PLPPR2: variants seen among roughly 807,000 people sequenced by gnomAD.
PLPPR2 encodes the protein phospholipid phosphatase related 2, also known as phospholipid phosphatase-related protein type 2.
Under a neutral mutation model 40.3 loss-of-function variants are expected in PLPPR2, and 11 were observed. The ratio of observed to expected loss-of-function variants is 0.27; its 90% CI spans 0.17 to 0.45. The LOEUF is 0.45. PLPPR2 is among the 20% of genes least tolerant of loss of function. The pLI is 1.00. For missense variants in PLPPR2, 497 were observed against 640.7 expected, an observed-to-expected ratio of 0.78 and a Z score of 2.42; for synonymous variants, 260 against 290.8, an observed-to-expected ratio of 0.89 and a Z score of 1.08.
At position 11,359,325 on chromosome 19, in the gene PLPPR2, T is replaced by C. The variant is rs963728968; in HGVS notation, c.67-207T>C. ...CTGTTTCTGTCTCCTTCTCCTTCTG[T>C]TTCTCCTAAGCCCTGACCCTTCTCT... On this transcript the variant is annotated intron_variant, in intron 3 of 9. Coordinates refer to ENST00000688289, the MANE Select transcript of PLPPR2 (RefSeq NM_001393892.1). This position sits in a 1 kb window ranked among gnomAD's most constrained non-coding sequence, Gnocchi z 5.6. 2.4e-5 allele frequency: 11 copies of C among 452,502 alleles called. No individual in the cohort carries two copies. In the Middle Eastern group the frequency reaches 2.3e-3, roughly 93 times the overall value. 28.0% of individuals were successfully genotyped at this position (452,502 alleles called of 1,614,324 possible). A position where few individuals can be genotyped will look rare whatever the true frequency, so the allele number is the denominator to read the frequency against.
At chr19:11,358,605 C>T (rs1599401353) in intron 3 of PLPPR2, among the ~76,000 whole-genome samples, 1 of 151,964 alleles carries the variant, frequency 6.6e-6, no homozygotes, top group African/African-American at 2.4e-5. Flanking sequence ...CTTTTCCTTT[C>T]CCTTCTCTTT....
intron 1 of PLPPR2, among the ~76,000 whole-genome samples, chr19:11,356,487 T>C (rs1433273769): frequency 6.6e-6 from 1 of 152,006 alleles, no homozygotes; most frequent in Non-Finnish European, 1.5e-5. Flanking sequence ...GTTTGGTGTC[T>C]CTGACAGGCT....
chr19:11,364,051 G>C lies in PLPPR2; in HGVS notation c.964-110G>C, dbSNP rs570687072. 1.6e-4 allele frequency: 233 copies of C among 1,440,364 alleles called. 5 individuals carry two copies. In the South Asian group the frequency reaches 3.0e-3, roughly 19 times the overall value. 89.2% of individuals were successfully genotyped at this position (1,440,364 alleles called of 1,614,324 possible). On this transcript the variant is annotated intron_variant, in intron 8 of 9. Transcript: ENST00000688289. The surrounding 1 kb of genome is among the most constrained non-coding windows in gnomAD (Gnocchi z 5.8). ...CCCAGGGGGACACGGTTAATCATGAGAACTGTGGTTGTCTTTTCCATGGGG... is the reference window on the plus strand; with the variant it reads ...CCCAGGGGGACACGGTTAATCATGACAACTGTGGTTGTCTTTTCCATGGGG...
In PLPPR2 at chr19:11,362,683, CT is replaced by C. The variant is rs769292776; in HGVS notation, c.839del (p.Leu280TrpfsTer38). 6.2e-7 allele frequency: 1 copy of C among 1,611,734 alleles called. No individual in the cohort carries two copies. Among genetic ancestry groups the C allele is most frequent in the Admixed American group, 1.7e-5 (1 of 59,950 alleles). On this transcript the variant is annotated frameshift_variant, in exon 7 of 10. Transcript: ENST00000688289. LOFTEE classifies it high-confidence loss of function. This position sits in a 1 kb window ranked among gnomAD's most constrained non-coding sequence, Gnocchi z 5.3. Reference protein sequence around the residue: ...GFLTGAAIATFLVTCVVHNFQ... With the variant: ...GFLTGAAIATXLVTCVVHNFQ... ...TCCTGACAGGGGCGGCCATCGCCAC[CT>C]TTTTGGTGAGTTGCCTCCTCAACCT... is the stretch of plus-strand genomic sequence containing the variant.
In PLPPR2 at chr19:11,364,012, AC is replaced by A; in HGVS notation, c.964-144del. ...ACAGCCCCAAAGAATGAAAGGGAGC[AC>A]CCCCGTCTTCTTCCCAGGGGGACAC... On this transcript the variant is annotated intron_variant, in intron 8 of 9. Coordinates refer to ENST00000688289, the MANE Select transcript of PLPPR2 (RefSeq NM_001393892.1). The surrounding 1 kb of genome is among the most constrained non-coding windows in gnomAD (Gnocchi z 5.8). 2 of 1,331,078 alleles carry A rather than the reference AC, an allele frequency of 1.5e-6. No individual in the cohort carries two copies. The highest frequency in any genetic ancestry group is 2.1e-6 in the Non-Finnish European group (2 of 971,642). The allele number at this position is 1,331,078 out of a possible 1,614,324, so 82.5% of individuals were successfully genotyped here. A position where few individuals can be genotyped will look rare whatever the true frequency, so the allele number is the denominator to read the frequency against.
rs1968087516 is a variant in PLPPR2 at position 11,362,781 on chromosome 19, C to A, written c.840+92C>A. On this transcript the variant is annotated intron_variant, in intron 7 of 9. Transcript: ENST00000688289. This position sits in a 1 kb window ranked among gnomAD's most constrained non-coding sequence, Gnocchi z 5.3. ...ACCACATGATGGAGAAGGGTGTGGA[C>A]TCTGTGTGACCTTGGGCCAATCCCT... The A allele has an allele frequency of 1.4e-6, 2 of 1,392,534 alleles. No homozygotes were observed. Among genetic ancestry groups the A allele is most frequent in the Admixed American group, 2.1e-5 (1 of 46,976 alleles). The allele number at this position is 1,392,534 out of a possible 1,614,324, so 86.3% of individuals were successfully genotyped here. A position where few individuals can be genotyped will look rare whatever the true frequency, so the allele number is the denominator to read the frequency against.
rs202137488 is a variant in PLPPR2, at chr19:11,362,675, A to G, written c.826A>G (p.Ile276Val). ...GGCTGGCTTCCTGACAGGGGCGGCC[A>G]TCGCCACCTTTTTGGTGAGTTGCCT... Reference protein sequence around the residue: ...VLAGFLTGAAIATFLVTCVVH... With the variant: ...VLAGFLTGAAVATFLVTCVVH... Residue 276 changes from isoleucine to valine, a missense_variant, in exon 7 of 10, where the codon ATC becomes GTC. Physicochemically the swap from Ile to Val is conservative, Grantham distance 29 (BLOSUM62 3). Coordinates refer to ENST00000688289, the MANE Select transcript of PLPPR2 (RefSeq NM_001393892.1). The surrounding 1 kb of genome is among the most constrained non-coding windows in gnomAD (Gnocchi z 5.3). 5.5e-5 allele frequency: 89 copies of G among 1,612,568 alleles called. 1 individual carries two copies. In the East Asian group the frequency reaches 1.7e-3, roughly 30 times the overall value.
intron 3 of PLPPR2, among the ~76,000 whole-genome samples, chr19:11,358,029 C>CTG (rs751126799): frequency 8.7e-4 from 130 of 149,570 alleles, no homozygotes; most frequent in East Asian, 4.2e-3. Flanking sequence ...GGGCTGTTCT[C>CTG]TGTGTGTGTG....
rs997697475 is a variant in PLPPR2, at chr19:11,359,028, T to A, written c.67-504T>A. ...CGTTTTAATTTTTTTTCTTTCTTTT[T>A]GTCTTTCAGCCATTCCTTTTCCTTT... On this transcript the variant is annotated intron_variant, in intron 3 of 9. Coordinates refer to ENST00000688289, the MANE Select transcript of PLPPR2 (RefSeq NM_001393892.1). The surrounding 1 kb of genome is among the most constrained non-coding windows in gnomAD (Gnocchi z 5.6). 6.6e-6 allele frequency among the ~76,000 whole-genome samples: 1 copy of A among 152,040 alleles called. No homozygotes were observed. Among genetic ancestry groups the A allele is most frequent in the Non-Finnish European group, 1.5e-5 (1 of 67,966 alleles).
Position 11,362,801 on chromosome 19 carries a change from ATCCC to A in PLPPR2, c.840+114_840+117del. The A allele has an allele frequency of 8.9e-7, 1 of 1,127,244 alleles. No individual in the cohort carries two copies. The highest frequency in any genetic ancestry group is 1.2e-6 in the Non-Finnish European group (1 of 806,150). The allele number at this position is 1,127,244 out of a possible 1,614,324, so 69.8% of individuals were successfully genotyped here. On this transcript the variant is annotated intron_variant, in intron 7 of 9. Coordinates refer to ENST00000688289, the MANE Select transcript of PLPPR2 (RefSeq NM_001393892.1). This position sits in a 1 kb window ranked among gnomAD's most constrained non-coding sequence, Gnocchi z 5.3. ...GTGGACTCTGTGTGACCTTGGGCCA[ATCCC>A]TTAACATTACCCTTCCTGGATATTC...
In PLPPR2 at chr19:11,364,342, A is replaced by G. The variant is rs772463899; in HGVS notation, c.1016-5A>G. 3 of 1,517,998 alleles carry G rather than the reference A, an allele frequency of 2.0e-6. No homozygotes were observed. The South Asian group carries it at 4.0e-5, about 20-fold the overall frequency. The allele number at this position is 1,517,998 out of a possible 1,614,324, so 94.0% of individuals were successfully genotyped here. ...ATCCCCTGATATCTGGCTTCTGACCACCAGAGTCGCAGAACTGCGCCCGCC... is the reference window on the plus strand; with the variant it reads ...ATCCCCTGATATCTGGCTTCTGACCGCCAGAGTCGCAGAACTGCGCCCGCC... On this transcript the variant is annotated splice_polypyrimidine_tract_variant and splice_region_variant and intron_variant, in intron 9 of 9. Coordinates refer to ENST00000688289, the MANE Select transcript of PLPPR2 (RefSeq NM_001393892.1). The surrounding 1 kb of genome is among the most constrained non-coding windows in gnomAD (Gnocchi z 5.8).
At position 11,362,383 on chromosome 19, in the gene PLPPR2, A is replaced by T; in HGVS notation, c.664-130A>T. The T allele has an allele frequency of 1.9e-6, 2 of 1,051,194 alleles. No homozygotes were observed. Among genetic ancestry groups the T allele is most frequent in the Non-Finnish European group, 2.7e-6 (2 of 740,260 alleles). The allele number at this position is 1,051,194 out of a possible 1,614,324, so 65.1% of individuals were successfully genotyped here. A position where few individuals can be genotyped will look rare whatever the true frequency, so the allele number is the denominator to read the frequency against. ...AAGCCCACTGGGAGCCCATGACTCC[A>T]ACCCTGGAGCCCCTGGCCACTCCCT... On this transcript the variant is annotated intron_variant, in intron 6 of 9. Transcript: ENST00000688289. This position sits in a 1 kb window ranked among gnomAD's most constrained non-coding sequence, Gnocchi z 5.3.
Position 11,362,721 on chromosome 19 carries a change from AAGACCCTCACC to A in PLPPR2, c.840+35_840+45del, listed in dbSNP as rs1223795366. 1 of 1,595,374 alleles carries A rather than the reference AAGACCCTCACC, an allele frequency of 6.3e-7. No homozygotes were observed. The highest frequency in any genetic ancestry group is 8.6e-7 in the Non-Finnish European group (1 of 1,169,258). Reference sequence around the variant, plus strand: ...TGCCTCCTCAACCTTCCCAGCATGGAAGACCCTCACCAGCTCTCTGACCCAAGAGGCAGGAC... The same window carrying A: ...TGCCTCCTCAACCTTCCCAGCATGGAAGCTCTCTGACCCAAGAGGCAGGAC... On this transcript the variant is annotated intron_variant, in intron 7 of 9. Transcript: ENST00000688289. The surrounding 1 kb of genome is among the most constrained non-coding windows in gnomAD (Gnocchi z 5.3).
rs1223721393 is a variant in PLPPR2, at chr19:11,357,746, AC to A, written c.66+12del. On this transcript the variant is annotated splice_region_variant and intron_variant, in intron 3 of 9. Transcript: ENST00000688289. ...CTGCTTTGTCTTCGTGGAGGTGAGG[AC>A]CCCCGTACCTCTCCCAGAGACGGCG... The A allele has an allele frequency of 1.3e-6, 2 of 1,592,514 alleles. No individual in the cohort carries two copies. Among genetic ancestry groups the A allele is most frequent in the Non-Finnish European group, 1.7e-6 (2 of 1,168,362 alleles).
Position 11,355,945 on chromosome 19 carries a change from TTGTG to T in PLPPR2, c.-190+383_-190+386del, listed in dbSNP as rs573613618. ...TCGTTGTGGGTGTCACTCTGATGGTTTGTGTGTGTGTGTCTGGCTATGCTGTGAC... is the reference window on the plus strand; with the variant it reads ...TCGTTGTGGGTGTCACTCTGATGGTTTGTGTGTGTCTGGCTATGCTGTGAC... On this transcript the variant is annotated intron_variant, in intron 1 of 9. Coordinates refer to ENST00000688289, the MANE Select transcript of PLPPR2 (RefSeq NM_001393892.1). 4.6e-5 allele frequency among the ~76,000 whole-genome samples: 7 copies of T among 151,092 alleles called. No homozygotes were observed. The South Asian group carries it at 6.3e-4, about 14-fold the overall frequency.
Position 11,359,513 on chromosome 19 carries a change from C to T in PLPPR2, c.67-19C>T, listed in dbSNP as rs774657863. 65 of 1,522,100 alleles carry T rather than the reference C, an allele frequency of 4.3e-5. No individual in the cohort carries two copies. The highest frequency in any genetic ancestry group is 2.8e-4 in the East Asian group (12 of 42,382). The allele number at this position is 1,522,100 out of a possible 1,614,324, so 94.3% of individuals were successfully genotyped here. On this transcript the variant is annotated intron_variant, in intron 3 of 9. Transcript: ENST00000688289. The surrounding 1 kb of genome is among the most constrained non-coding windows in gnomAD (Gnocchi z 5.6). Reference sequence around the variant, plus strand: ...CTCTTCTCTCTCCGCCACCTCTCCCCGCCCTGGCTTGGTGGCAGTCGGTGC... The same window carrying T: ...CTCTTCTCTCTCCGCCACCTCTCCCTGCCCTGGCTTGGTGGCAGTCGGTGC...
At position 11,359,443 on chromosome 19, in the gene PLPPR2, C is replaced by T; in HGVS notation, c.67-89C>T. The T allele has an allele frequency of 8.1e-7, 1 of 1,237,722 alleles. No individual in the cohort carries two copies. Among genetic ancestry groups the T allele is most frequent in the Non-Finnish European group, 1.1e-6 (1 of 917,918 alleles). 76.7% of individuals were successfully genotyped at this position (1,237,722 alleles called of 1,614,324 possible). ...CTGTCTCTAACCCATGTTTCTCCAT[C>T]TCTGTATCTCTGCCTCTGTGGCCTC... On this transcript the variant is annotated intron_variant, in intron 3 of 9. Coordinates refer to ENST00000688289, the MANE Select transcript of PLPPR2 (RefSeq NM_001393892.1). The surrounding 1 kb of genome is among the most constrained non-coding windows in gnomAD (Gnocchi z 5.6).
Position 11,356,799 on chromosome 19 carries a change from CAG to C in PLPPR2, c.-189_-188del, listed in dbSNP as rs1438340939. 2.0e-5 allele frequency: 3 copies of C among 152,916 alleles called. No homozygotes were observed. Among genetic ancestry groups the C allele is most frequent in the African/African-American group, 7.3e-5 (3 of 41,374 alleles). The allele number at this position is 152,916 out of a possible 1,614,324, so 9.5% of individuals were successfully genotyped here. On this transcript the variant is annotated splice_acceptor_variant, in intron 1 of 9. Coordinates refer to ENST00000688289, the MANE Select transcript of PLPPR2 (RefSeq NM_001393892.1). LOFTEE classifies it low-confidence loss of function (5UTR_SPLICE). ...GCAACCATCACCCCATATCACACTG[CAG>C]AGTGAGTGTCGTGGTTGGGGTGCTG...
rs1037707595 is a variant in PLPPR2 at position 11,356,807 on chromosome 19, G to A, written c.-184G>A. ...CACCCCATATCACACTGCAGAGTGAGTGTCGTGGTTGGGGTGCTGGACCCA... is the reference window on the plus strand; with the variant it reads ...CACCCCATATCACACTGCAGAGTGAATGTCGTGGTTGGGGTGCTGGACCCA... On this transcript the variant is annotated 5_prime_UTR_variant, in exon 2 of 10. In the 5' UTR this introduces an upstream ATG that the reference lacks. Coordinates refer to ENST00000688289, the MANE Select transcript of PLPPR2 (RefSeq NM_001393892.1). 6.5e-6 allele frequency: 1 copy of A among 153,008 alleles called. No individual in the cohort carries two copies. Among genetic ancestry groups the A allele is most frequent in the Non-Finnish European group, 1.5e-5 (1 of 68,202 alleles). The allele number at this position is 153,008 out of a possible 1,614,324, so 9.5% of individuals were successfully genotyped here.
Sources: gnomAD v4.1 joint callset for allele counts (sites outside exome capture counted in the v4.1 genomes callset) on GRCh38, gnomAD v4.1.1 for gene constraint, Gnocchi (gnomAD v3.1) non-coding constraint, MANE v1.5 for transcripts, NCBI Gene and HGNC (gene_info 2026-07-23, HGNC 2026-07-21) for gene names.